PPP1R9A: variants seen among roughly 807,000 people sequenced by gnomAD.
The protein encoded by PPP1R9A is neurabin-1.
In PPP1R9A, 59 loss-of-function variants were observed where a neutral mutation model predicts 141.9. That is an observed-to-expected ratio of 0.42 (90% CI 0.34 to 0.52). The LOEUF is 0.52. Among genes scored for constraint, PPP1R9A ranks in the 20% least tolerant of loss-of-function variants. The pLI, the probability that PPP1R9A is intolerant of heterozygous loss-of-function variation, is 0.10. For synonymous variants in PPP1R9A, 500 were observed against 569.7 expected, an observed-to-expected ratio of 0.88 and a Z score of 1.74; for missense variants, 1,444 against 1,611.9, an observed-to-expected ratio of 0.90 and a Z score of 1.78.
At chr7:94,979,755 A>G (rs2151308884) in intron 2 of PPP1R9A, among the ~76,000 whole-genome samples, 1 of 152,270 alleles carries the variant, frequency 6.6e-6, no homozygotes, top group South Asian at 2.1e-4. Flanking sequence ...TTTAATTGTA[A>G]CTGTGCAGAT....
At chr7:95,023,408 A>C (rs1418889660) in intron 2 of PPP1R9A, among the ~76,000 whole-genome samples, 1 of 151,646 alleles carries the variant, frequency 6.6e-6, no homozygotes, top group African/African-American at 2.4e-5. Context: ...TATTTTGTTG[A>C]TCTTTTCAAA....
At chr7:95,004,840 T>C (rs987155417) in intron 2 of PPP1R9A, among the ~76,000 whole-genome samples, 14 of 152,292 alleles carry the variant, frequency 9.2e-5, no homozygotes, top group Admixed American at 7.8e-4. Flanking sequence ...CACGTTGTCA[T>C]GGTGAAGGGG....
intron 4 of PPP1R9A, among the ~76,000 whole-genome samples, chr7:95,129,261 A>G (rs1332760550): frequency 2.0e-5 from 3 of 152,190 alleles, no homozygotes; most frequent in East Asian, 3.9e-4. Context: ...AGGTGATTGA[A>G]TTTTGGGGGT....
chr7:95,191,951 A>G (rs1353601347), intron 5 of PPP1R9A, among the ~76,000 whole-genome samples: 2 of 152,114 alleles, frequency 1.3e-5, no homozygotes, highest in African/African-American at 2.4e-5. Flanking sequence ...AGTTGTGCAG[A>G]AATATCAATT....
chr7:95,015,231 C>CGT (rs1804936970), intron 2 of PPP1R9A, among the ~76,000 whole-genome samples: 1 of 100,930 alleles, frequency 9.9e-6, no homozygotes, highest in Non-Finnish European at 2.2e-5. Flanking sequence ...TATATATACA[C>CGT]ACACACACAC....
At chr7:94,949,777 G>A (rs369455270) in intron 2 of PPP1R9A, among the ~76,000 whole-genome samples, 2 of 152,024 alleles carry the variant, frequency 1.3e-5, no homozygotes, top group African/African-American at 4.8e-5. Context: ...CATAGGGTGT[G>A]ATGTTGAGAT....
chr7:95,041,042 AT>A lies in PPP1R9A; in HGVS notation c.1396-70216del, dbSNP rs536067114. Among the ~76,000 whole-genome samples the A allele has an allele frequency of 3.4e-3, 521 of 152,350 alleles. 3 individuals are homozygous for A. Among genetic ancestry groups the A allele is most frequent in the African/African-American group, 0.012 (488 of 41,582 alleles). On this transcript the variant is annotated intron_variant, in intron 2 of 19. Coordinates refer to ENST00000433360, the MANE Select transcript of PPP1R9A (RefSeq NM_001166160.2). ...TTTTCCAAATTTATTTGACAGAAATATCCACTTTGTATCTCCTGGGTCTCTA... is the reference window on the plus strand; with the variant it reads ...TTTTCCAAATTTATTTGACAGAAATACCACTTTGTATCTCCTGGGTCTCTA...
rs1331769654 is a variant in PPP1R9A, at chr7:94,983,066, TAA to T, written c.1395+71560_1395+71561del. ...AGCCAGTTTCCCCAGCAACATTTAT[TAA>T]ATAGGGAATTCCTATTTAATAAATT... On this transcript the variant is annotated intron_variant, in intron 2 of 19. Transcript: ENST00000433360. Among the ~76,000 whole-genome samples, 18 of 152,322 alleles carry T rather than the reference TAA, an allele frequency of 1.2e-4. No homozygotes were observed. In the East Asian group the frequency reaches 3.3e-3, roughly 28 times the overall value.
intron 2 of PPP1R9A, among the ~76,000 whole-genome samples, chr7:94,926,548 CTATAT>C: frequency 2.0e-5 from 3 of 152,092 alleles, no homozygotes; most frequent in African/African-American, 7.2e-5. Context: ...GTGAGTGTAT[CTATAT>C]TCTGAAAATG....
At chr7:95,247,417 T>C (rs1798256493) in intron 8 of PPP1R9A, 56 bp from the exon 9 acceptor site, 2 of 1,446,502 alleles carry the variant, frequency 1.4e-6, no homozygotes, top group African/African-American at 1.4e-5. Context: ...GCTGAGGCTT[T>C]ACAAATATAG....
At chr7:95,284,545 T>TAGA (rs1265736580) in intron 17 of PPP1R9A, among the ~76,000 whole-genome samples, 2 of 152,208 alleles carry the variant, frequency 1.3e-5, no homozygotes, top group African/African-American at 4.8e-5. Context: ...GATAGATCTG[T>TAGA]TTACCCAGTA....
At position 94,969,738 on chromosome 7, in the gene PPP1R9A, G is replaced by C. The variant is rs142408925; in HGVS notation, c.1395+58230G>C. 3.8e-3 allele frequency among the ~76,000 whole-genome samples: 582 copies of C among 152,266 alleles called. 22 individuals carry two copies. The highest frequency in any genetic ancestry group is 0.034 in the East Asian group (176 of 5,166). On this transcript the variant is annotated intron_variant, in intron 2 of 19. Coordinates refer to ENST00000433360, the MANE Select transcript of PPP1R9A (RefSeq NM_001166160.2). ...AGGAGTGTTTAAGTCTGCTGAAGCTGCGCCCAGAGCCACCCTTTCCCCCAG... is the reference window on the plus strand; with the variant it reads ...AGGAGTGTTTAAGTCTGCTGAAGCTCCGCCCAGAGCCACCCTTTCCCCCAG...
intron 6 of PPP1R9A, among the ~76,000 whole-genome samples, chr7:95,200,452 A>AAT (rs1260844955): frequency 9.9e-4 from 147 of 148,254 alleles, no homozygotes; most frequent in Admixed American, 2.4e-3. Flanking sequence ...AAAAAAAAAA[A>AAT]TTTTTTTTTT....
chr7:95,103,362 CTTTTTTT>C (rs897838647), intron 2 of PPP1R9A, among the ~76,000 whole-genome samples: 1 of 88,816 alleles, frequency 1.1e-5, no homozygotes, highest in South Asian at 3.1e-4. Flanking sequence ...TTTTTCACTT[CTTTTTTT>C]TTTTTTTTTT....
At chr7:95,040,489 A>C (rs1809079940) in intron 2 of PPP1R9A, among the ~76,000 whole-genome samples, 1 of 152,018 alleles carries the variant, frequency 6.6e-6, no homozygotes, top group Non-Finnish European at 1.5e-5. Flanking sequence ...AAAAAATTAA[A>C]AATAATACAG....
chr7:95,181,208 A>C (rs1833697391), intron 5 of PPP1R9A, among the ~76,000 whole-genome samples: 1 of 145,772 alleles, frequency 6.9e-6, no homozygotes, highest in African/African-American at 2.5e-5. Context: ...TATATATAGA[A>C]TATATAGAGA....
At chr7:95,015,594 T>C (rs1804995218) in intron 2 of PPP1R9A, among the ~76,000 whole-genome samples, 2 of 152,130 alleles carry the variant, frequency 1.3e-5, no homozygotes, top group African/African-American at 4.8e-5. Flanking sequence ...ACCTGCTGAA[T>C]AATATCAAAA....
At chr7:95,156,102 G>A (rs1829557736) in intron 4 of PPP1R9A, 1 of 152,300 alleles carries the variant, frequency 6.6e-6, no homozygotes, top group African/African-American at 2.4e-5. Flanking sequence ...ACCTGCCAAG[G>A]GTAAGTCAGG....
At chr7:95,230,385 G>A (rs1795755495) in intron 8 of PPP1R9A, among the ~76,000 whole-genome samples, 1 of 152,062 alleles carries the variant, frequency 6.6e-6, no homozygotes, top group South Asian at 2.1e-4. Context: ...CCAGAGGAAG[G>A]TGAAGTCCAA....
Sources: gnomAD v4.1 joint callset for allele counts (sites outside exome capture counted in the v4.1 genomes callset) on GRCh38, gnomAD v4.1.1 for gene constraint, MANE v1.5 for transcripts, NCBI Gene and HGNC (gene_info 2026-07-23, HGNC 2026-07-21) for gene names.